The following HACD4 variants were observed in gnomAD, a reference collection of about 807,000 sequenced individuals.
HACD4 encodes 3-hydroxyacyl-CoA dehydratase 4.
A neutral mutation model predicts 33.3 loss-of-function variants in HACD4; 35 were observed. That is an observed-to-expected ratio of 1.05 (90% CI 0.80 to 1.39). The LOEUF (loss-of-function observed/expected upper bound fraction) is 1.39. Among genes scored for constraint, HACD4 ranks in the 40% most tolerant of loss-of-function variants. The probability of loss-of-function intolerance (pLI) is 0.00; values close to 1 mark genes in which losing one functional copy is unlikely to be tolerated. For synonymous variants in HACD4, 118 were observed against 98.0 expected, an observed-to-expected ratio of 1.20 and a Z score of -1.21; for missense variants, 323 against 276.5, an observed-to-expected ratio of 1.17 and a Z score of -1.19.
chr9:21,019,293 G>C (rs1817840556), intron 3 of HACD4, among the ~76,000 whole-genome samples: 1 of 152,018 alleles, frequency 6.6e-6, no homozygotes, highest in African/African-American at 2.4e-5. Flanking sequence ...GAGCCAAAGA[G>C]CTTAAATGTC....
chr9:21,022,055 G>C (rs781436078), intron 3 of HACD4, among the ~76,000 whole-genome samples: 34 of 152,194 alleles, frequency 2.2e-4, no homozygotes, highest in Non-Finnish European at 3.5e-4. Context: ...GAACAGAAGA[G>C]AGCCCTCAGA....
chr9:21,020,613 C>T (rs1426990189), intron 3 of HACD4, among the ~76,000 whole-genome samples: 1 of 152,140 alleles, frequency 6.6e-6, no homozygotes, highest in Non-Finnish European at 1.5e-5. Context: ...TTTGCAAGCT[C>T]ATTTCGGAGG....
At chr9:21,022,695 A>G (rs10964796) in intron 3 of HACD4, among the ~76,000 whole-genome samples, 29,247 of 146,708 alleles carry the variant, frequency 0.2, 3,382 homozygotes, top group Middle Eastern at 0.3. Flanking sequence ...TTAGAATGGC[A>G]ATCATTAAAA....
At position 21,026,607 on chromosome 9, in the gene HACD4, T is replaced by G. The variant is rs1477951153; in HGVS notation, c.259A>C (p.Arg87=). The change falls in exon 3 of 7, where the codon AGG becomes CGG. Residue 87 remains arginine, a synonymous_variant. Transcript: ENST00000495827. ...TGATTCAAACCTACCTGCAAAAACC[T>G]TGGGAGAAGATGGTTTGACTCAATG... is the stretch of plus-strand genomic sequence containing the variant. ...VGIESNHLLP[R]FLQLTERIII... 5 of 1,611,726 alleles carry G rather than the reference T, an allele frequency of 3.1e-6. No individual in the cohort carries two copies. The highest frequency in any genetic ancestry group is 1.3e-5 in the African/African-American group (1 of 74,948).
In HACD4 at chr9:21,002,468, A is replaced by G. The variant is rs1393893607; in HGVS notation, c.*4569T>C. On this transcript the variant is annotated 3_prime_UTR_variant, in exon 7 of 7. Transcript: ENST00000495827. ...GAAATAAGCCAATTACGAAAGACAG[A>G]TACTGTATGATTACATTTATATGAG... 2 of 152,132 alleles carry G rather than the reference A, an allele frequency of 1.3e-5. No homozygotes were observed. The highest frequency in any genetic ancestry group is 1.3e-4 in the Admixed American group (2 of 15,262). The allele number at this position is 152,132 out of a possible 1,614,324, so 9.4% of individuals were successfully genotyped here. A position where few individuals can be genotyped will look rare whatever the true frequency, so the allele number is the denominator to read the frequency against.
chr9:21,007,615 T>A (rs1292545595), intron 6 of HACD4, among the ~76,000 whole-genome samples: 1 of 152,144 alleles, frequency 6.6e-6, no homozygotes, highest in East Asian at 1.9e-4. Flanking sequence ...CGACTCCCAT[T>A]TGCCTGATAG....
chr9:21,015,997 A>C lies in HACD4; in HGVS notation c.284T>G (p.Ile95Arg). The C allele has an allele frequency of 6.2e-7, 1 of 1,611,234 alleles. No homozygotes were observed. Among genetic ancestry groups the C allele is most frequent in the Non-Finnish European group, 8.5e-7 (1 of 1,177,670 alleles). The change falls in exon 4 of 7, where the codon ATA (isoleucine) becomes AGA (arginine). Residue 95 changes from isoleucine to arginine, a missense_variant. Physicochemically the swap from Ile to Arg is moderately conservative, Grantham distance 97 (BLOSUM62 -3). Coordinates refer to ENST00000495827, the MANE Select transcript of HACD4 (RefSeq NM_001010915.5). ...GGTGATCACCACAAAAAGGATGATTATTCTTTCTGTGAGCTAACAAAGAAA... is the reference window on the plus strand; with the variant it reads ...GGTGATCACCACAAAAAGGATGATTCTTCTTTCTGTGAGCTAACAAAGAAA... ...LPRFLQLTERIIILFVVITSQ... is the reference protein window; with the variant it reads ...LPRFLQLTERRIILFVVITSQ...
Position 21,001,202 on chromosome 9 carries a change from A to C in HACD4, c.*5835T>G, listed in dbSNP as rs1272463220. On this transcript the variant is annotated 3_prime_UTR_variant, in exon 7 of 7. Coordinates refer to ENST00000495827, the MANE Select transcript of HACD4 (RefSeq NM_001010915.5). ...AAAGAGCATGCGGAAAAAGTCAAAA[A>C]ACCAATGGATGAACAAAATGGTAAT... is the stretch of plus-strand genomic sequence containing the variant. The C allele has an allele frequency of 6.6e-6, 1 of 152,062 alleles. No homozygotes were observed. The highest frequency in any genetic ancestry group is 2.4e-5 in the African/African-American group (1 of 41,422). The allele number at this position is 152,062 out of a possible 1,614,324, so 9.4% of individuals were successfully genotyped here.
At chr9:21,013,285 T>A (rs1485676473) in intron 4 of HACD4, among the ~76,000 whole-genome samples, 1 of 152,214 alleles carries the variant, frequency 6.6e-6, no homozygotes, top group Non-Finnish European at 1.5e-5. Flanking sequence ...TGAAAAAGAC[T>A]ATTCTTTCCC....
rs960884408 is a variant in HACD4 at position 21,001,994 on chromosome 9, T to A, written c.*5043A>T. On this transcript the variant is annotated 3_prime_UTR_variant, in exon 7 of 7. Coordinates refer to ENST00000495827, the MANE Select transcript of HACD4 (RefSeq NM_001010915.5). ...ATAAAATCTAGTACTTTTGTAACAATGGTTTGTAACTCCACTTTTTGTTTT... is the reference window on the plus strand; with the variant it reads ...ATAAAATCTAGTACTTTTGTAACAAAGGTTTGTAACTCCACTTTTTGTTTT... 1 of 152,124 alleles carries A rather than the reference T, an allele frequency of 6.6e-6. No individual in the cohort carries two copies. Among genetic ancestry groups the A allele is most frequent in the African/African-American group, 2.4e-5 (1 of 41,450 alleles). 9.4% of individuals were successfully genotyped at this position (152,124 alleles called of 1,614,324 possible).
At chr9:21,016,191 T>C (rs1451731228) in intron 3 of HACD4, among the ~76,000 whole-genome samples, 181 bp from the exon 4 acceptor site, 1 of 152,236 alleles carries the variant, frequency 6.6e-6, no homozygotes, top group Non-Finnish European at 1.5e-5. Context: ...AGTTCCTCAT[T>C]TGTCTATATT....
chr9:21,008,885 G>A (rs1312563894), intron 5 of HACD4, among the ~76,000 whole-genome samples: 1 of 152,032 alleles, frequency 6.6e-6, no homozygotes, highest in Admixed American at 6.6e-5. Flanking sequence ...TTTCTTATGG[G>A]TCAAAATTAT....
intron 4 of HACD4, 49 bp from the exon 5 acceptor site, chr9:21,011,744 G>A: frequency 1.1e-6 from 1 of 935,998 alleles, no homozygotes; most frequent in South Asian, 1.5e-5. Flanking sequence ...CTAATATCTG[G>A]GAAATAGGAG....
chr9:21,010,467 C>CCG (rs1168139217), intron 5 of HACD4, among the ~76,000 whole-genome samples: 1 of 117,768 alleles, frequency 8.5e-6, no homozygotes, highest in East Asian at 2.2e-4. Context: ...CCCCCCCCCC[C>CCG]CCCAGAGCTT....
chr9:21,029,381 T>A lies in HACD4; in HGVS notation c.56A>T (p.Tyr19Phe), dbSNP rs1818147887. ...CTGGATTAAGTAATAGATGAAAAGA[T>A]ACGCATTCTTCCTATACCTATAAAT... ...WLQPRYRKNA[Y>F]LFIYYLIQFC... Residue 19 changes from tyrosine (Y) to phenylalanine (F), a missense_variant, in exon 2 of 7, where the codon TAT (tyrosine) becomes TTT (phenylalanine). By Grantham distance (22) the Tyr-to-Phe change is conservative (BLOSUM62 3). Coordinates refer to ENST00000495827, the MANE Select transcript of HACD4 (RefSeq NM_001010915.5). The A allele has an allele frequency of 2.5e-6, 4 of 1,584,876 alleles. No homozygotes were observed. Among genetic ancestry groups the A allele is most frequent in the Non-Finnish European group, 2.6e-6 (3 of 1,156,054 alleles).
chr9:21,031,337 A>G, intron 1 of HACD4: 1 of 505,798 alleles, frequency 2.0e-6, no homozygotes, highest in Non-Finnish European at 2.6e-6. Flanking sequence ...ATTCAACTGT[A>G]AAATGGAGAA....
At chr9:21,017,127 T>A (rs1842575052) in intron 3 of HACD4, among the ~76,000 whole-genome samples, 1 of 152,152 alleles carries the variant, frequency 6.6e-6, no homozygotes, top group Admixed American at 6.6e-5. Context: ...ATTTATATTT[T>A]TCTTTATTTT....
intron 2 of HACD4, among the ~76,000 whole-genome samples, chr9:21,027,917 CT>C (rs368012344): frequency 3.3e-5 from 5 of 152,110 alleles, no homozygotes; most frequent in African/African-American, 9.6e-5. Context: ...GGCGGATCAC[CT>C]TTGGTCAGGA....
In HACD4 at chr9:21,001,816, A is replaced by T. The variant is rs1049540611; in HGVS notation, c.*5221T>A. 2.6e-5 allele frequency: 4 copies of T among 152,134 alleles called. No individual in the cohort carries two copies. The highest frequency in any genetic ancestry group is 9.7e-5 in the African/African-American group (4 of 41,442). 9.4% of individuals were successfully genotyped at this position (152,134 alleles called of 1,614,324 possible). A position where few individuals can be genotyped will look rare whatever the true frequency, so the allele number is the denominator to read the frequency against. ...GAGAGAAATTAAGACATCCCCAGAT[A>T]AACAAAAGCTGAGAAAGTATGTTAC... On this transcript the variant is annotated 3_prime_UTR_variant, in exon 7 of 7. Transcript: ENST00000495827.
Sources: allele counts gnomAD v4.1 joint callset (sites outside exome capture counted in the v4.1 genomes callset), GRCh38; gene constraint gnomAD v4.1.1; transcripts MANE v1.5; gene names NCBI Gene and HGNC (gene_info 2026-07-23, HGNC 2026-07-21).